TSSK3: variants seen among roughly 807,000 people sequenced by gnomAD.
TSSK3 encodes the protein testis specific serine kinase 3, also known as testis-specific serine/threonine-protein kinase 3.
Under a neutral mutation model 18.9 loss-of-function variants are expected in TSSK3, and 16 were observed. The ratio of observed to expected loss-of-function variants is 0.85; its 90% CI spans 0.57 to 1.28. The LOEUF is 1.28. Ranked by LOEUF, TSSK3 falls within the 50% of genes most tolerant of loss-of-function variation. The pLI is 0.00. For synonymous variants in TSSK3, 146 were observed against 133.9 expected (o/e 1.09, Z -0.62); for missense variants, 345 against 341.0 (o/e 1.01, Z -0.09).
chr1:32,362,627 G>C lies in TSSK3; in HGVS notation c.-75G>C, dbSNP rs1268536949. The C allele has an allele frequency of 1.4e-5, 22 of 1,566,378 alleles. No homozygotes were observed. Among genetic ancestry groups the C allele is most frequent in the Non-Finnish European group, 1.8e-5 (21 of 1,148,770 alleles). On this transcript the variant is annotated 5_prime_UTR_variant, in exon 1 of 2. Coordinates refer to ENST00000373534, the MANE Select transcript of TSSK3 (RefSeq NM_052841.4). ...TTGGGGAGAAAAGGAGCAGGCCAAG[G>C]GCGATGGTGGAGTAGAGCTGCCTCT...
chr1:32,362,560 C>G lies in TSSK3; in HGVS notation c.-142C>G. On this transcript the variant is annotated 5_prime_UTR_variant, in exon 1 of 2. Transcript: ENST00000373534. ...CCCACCACCCGCCGCTGTGTCCAGA[C>G]AGAGAATGTTCTAACGCTGGGGGCG... 2.1e-6 allele frequency: 2 copies of G among 975,028 alleles called. No homozygotes were observed. Among genetic ancestry groups the G allele is most frequent in the Non-Finnish European group, 3.1e-6 (2 of 650,200 alleles). 60.4% of individuals were successfully genotyped at this position (975,028 alleles called of 1,614,324 possible).
rs746811127 is a variant in TSSK3 at position 32,363,846 on chromosome 1, C to A, written c.397C>A (p.Arg133=). ...RYCHGCGVAH[R]DLKCENALLQ... ...CTGCCATGGCTGTGGTGTGGCCCAC[C>A]GGGACCTCAAATGTGAGAACGCCTT... Residue 133 remains arginine, a synonymous_variant, in exon 2 of 2, where the codon CGG becomes AGG. Transcript: ENST00000373534. 6.2e-7 allele frequency: 1 copy of A among 1,614,198 alleles called. No individual in the cohort carries two copies.
rs1490180822 is a variant in TSSK3 at position 32,362,582 on chromosome 1, G to A, written c.-120G>A. 1 of 1,192,872 alleles carries A rather than the reference G, an allele frequency of 8.4e-7. No homozygotes were observed. Among genetic ancestry groups the A allele is most frequent in the Non-Finnish European group, 1.2e-6 (1 of 837,576 alleles). The allele number at this position is 1,192,872 out of a possible 1,614,324, so 73.9% of individuals were successfully genotyped here. A position where few individuals can be genotyped will look rare whatever the true frequency, so the allele number is the denominator to read the frequency against. Reference sequence around the variant, plus strand: ...AGACAGAGAATGTTCTAACGCTGGGGGCGGCTGCGGATGAAGTCCTTGGGG... The same window carrying A: ...AGACAGAGAATGTTCTAACGCTGGGAGCGGCTGCGGATGAAGTCCTTGGGG... On this transcript the variant is annotated 5_prime_UTR_variant, in exon 1 of 2. Coordinates refer to ENST00000373534, the MANE Select transcript of TSSK3 (RefSeq NM_052841.4).
intron 1 of TSSK3, chr1:32,363,159 A>G (rs1050948638): frequency 6.0e-5 from 24 of 397,112 alleles, no homozygotes; most frequent in African/African-American, 4.8e-4. Flanking sequence ...GGGCTGGTAG[A>G]GAACAGGGGC....
At position 32,364,069 on chromosome 1, in the gene TSSK3, G is replaced by A; in HGVS notation, c.620G>A (p.Ser207Asn). The part of the protein sequence containing the change: ...GVVLYVMLCA[S>N]LPFDDTDIPK... Reference sequence around the variant, plus strand: ...GTCCTGTATGTCATGCTCTGTGCCAGCCTACCTTTTGACGACACAGACATC... The same window carrying A: ...GTCCTGTATGTCATGCTCTGTGCCAACCTACCTTTTGACGACACAGACATC... Residue 207 changes from serine to asparagine, a missense_variant, in exon 2 of 2, where the codon AGC becomes AAC. By Grantham distance (46) the Ser-to-Asn change is conservative (BLOSUM62 1). Coordinates refer to ENST00000373534, the MANE Select transcript of TSSK3 (RefSeq NM_052841.4). 6.2e-7 allele frequency: 1 copy of A among 1,614,230 alleles called. No homozygotes were observed. Among genetic ancestry groups the A allele is most frequent in the Non-Finnish European group, 8.5e-7 (1 of 1,180,032 alleles).
chr1:32,363,388 C>T (rs1180062134), intron 1 of TSSK3: 2 of 586,816 alleles, frequency 3.4e-6, no homozygotes, highest in East Asian at 5.7e-5. Flanking sequence ...GTGGGGAGTG[C>T]TTCTTTTGAA....
chr1:32,364,307 C>G lies in TSSK3; in HGVS notation c.*51C>G. The G allele has an allele frequency of 6.6e-7, 1 of 1,503,888 alleles. No individual in the cohort carries two copies. Among genetic ancestry groups the G allele is most frequent in the South Asian group, 1.3e-5 (1 of 77,112 alleles). 93.2% of individuals were successfully genotyped at this position (1,503,888 alleles called of 1,614,324 possible). A position where few individuals can be genotyped will look rare whatever the true frequency, so the allele number is the denominator to read the frequency against. On this transcript the variant is annotated 3_prime_UTR_variant, in exon 2 of 2. Transcript: ENST00000373534. The stretch of plus-strand genomic sequence containing the variant: ...ATAAAGTAGGGGGAGAAAGCAAACC[C>G]AAAAACCCGCTTCTAAAATGGTGAT...
At position 32,364,079 on chromosome 1, in the gene TSSK3, T is replaced by TG; in HGVS notation, c.631dup (p.Asp211GlyfsTer47). 1 of 1,614,208 alleles carries TG rather than the reference T, an allele frequency of 6.2e-7. No homozygotes were observed. Among genetic ancestry groups the TG allele is most frequent in the Admixed American group, 1.7e-5 (1 of 60,028 alleles). On this transcript the variant is annotated frameshift_variant, in exon 2 of 2. Transcript: ENST00000373534. LOFTEE classifies it high-confidence loss of function. ...TCATGCTCTGTGCCAGCCTACCTTT[T>TG]GACGACACAGACATCCCCAAGATGC...
chr1:32,362,957 G>A, intron 1 of TSSK3, 111 bp downstream of exon 1: 5 of 1,370,626 alleles, frequency 3.6e-6, no homozygotes, highest in Non-Finnish European at 5.1e-6. Context: ...CCGCTGGCCT[G>A]GAACCAAGCA....
In TSSK3 at chr1:32,363,087, CA is replaced by C. The variant is rs576972598; in HGVS notation, c.145+245del. 9.4e-4 allele frequency: 470 copies of C among 499,196 alleles called. 2 individuals carry two copies. Among genetic ancestry groups the C allele is most frequent in the African/African-American group, 7.8e-3 (407 of 52,100 alleles). The allele number at this position is 499,196 out of a possible 1,614,324, so 30.9% of individuals were successfully genotyped here. On this transcript the variant is annotated intron_variant, in intron 1 of 1. Coordinates refer to ENST00000373534, the MANE Select transcript of TSSK3 (RefSeq NM_052841.4). ...GCATGAGGTGAAGGATCCTCAGAGG[CA>C]AAACCTGAGCCAGGCTTTCCTTTCC...
chr1:32,362,949 G>A lies in TSSK3; in HGVS notation c.145+103G>A, dbSNP rs139565977. 1,497 of 1,441,448 alleles carry A rather than the reference G, an allele frequency of 1.0e-3. 11 individuals carry two copies. The African/African-American group carries it at 0.017, about 16-fold the overall frequency. The allele number at this position is 1,441,448 out of a possible 1,614,324, so 89.3% of individuals were successfully genotyped here. On this transcript the variant is annotated intron_variant, in intron 1 of 1. Transcript: ENST00000373534. Reference sequence around the variant, plus strand: ...GATCATTCGATCATTCCCTGCTCCCGCTGGCCTGGAACCAAGCAAGCCCGA... The same window carrying A: ...GATCATTCGATCATTCCCTGCTCCCACTGGCCTGGAACCAAGCAAGCCCGA...
In TSSK3 at chr1:32,362,717, C is replaced by A; in HGVS notation, c.16C>A (p.Leu6Ile). MEDFL[L>I]SNGYQLGKTI... is the part of the protein sequence containing the mutation. ...GCTAGACAGCATGGAGGACTTTCTG[C>A]TCTCCAATGGGTACCAGCTGGGCAA... Residue 6 changes from leucine to isoleucine, a missense_variant, in exon 1 of 2, where the codon CTC (leucine) becomes ATC (isoleucine). Coordinates refer to ENST00000373534, the MANE Select transcript of TSSK3 (RefSeq NM_052841.4). The A allele has an allele frequency of 6.2e-7, 1 of 1,614,172 alleles. No individual in the cohort carries two copies. Among genetic ancestry groups the A allele is most frequent in the Non-Finnish European group, 8.5e-7 (1 of 1,180,020 alleles).
chr1:32,362,911 T>C (rs1641732515), intron 1 of TSSK3, 65 bp downstream of exon 1: 2 of 1,566,704 alleles, frequency 1.3e-6, no homozygotes, highest in Non-Finnish European at 1.7e-6. Flanking sequence ...TGCTTCCTCC[T>C]GTTTGTTAGA....
In TSSK3 at chr1:32,362,654, A is replaced by G. The variant is rs749647720; in HGVS notation, c.-48A>G. On this transcript the variant is annotated 5_prime_UTR_variant, in exon 1 of 2. Coordinates refer to ENST00000373534, the MANE Select transcript of TSSK3 (RefSeq NM_052841.4). ...CGATGGTGGAGTAGAGCTGCCTCTCAGAGGCAGCATGAGCTGAGAGGGTGA... is the reference window on the plus strand; with the variant it reads ...CGATGGTGGAGTAGAGCTGCCTCTCGGAGGCAGCATGAGCTGAGAGGGTGA... 1.2e-6 allele frequency: 2 copies of G among 1,607,044 alleles called. No individual in the cohort carries two copies. The highest frequency in any genetic ancestry group is 2.2e-5 in the South Asian group (2 of 90,770).
Position 32,364,278 on chromosome 1 carries a change from T to G in TSSK3, c.*22T>G. On this transcript the variant is annotated 3_prime_UTR_variant, in exon 2 of 2. Coordinates refer to ENST00000373534, the MANE Select transcript of TSSK3 (RefSeq NM_052841.4). ...TTGATAAAAGCAATGGCAAGTGCTC[T>G]CCAATAAAGTAGGGGGAGAAAGCAA... The G allele has an allele frequency of 1.3e-6, 2 of 1,558,994 alleles. No homozygotes were observed. The highest frequency in any genetic ancestry group is 1.7e-6 in the Non-Finnish European group (2 of 1,151,132).
At position 32,363,862 on chromosome 1, in the gene TSSK3, A is replaced by C; in HGVS notation, c.413A>C (p.Glu138Ala). The C allele has an allele frequency of 6.2e-7, 1 of 1,614,142 alleles. No individual in the cohort carries two copies. The highest frequency in any genetic ancestry group is 8.5e-7 in the Non-Finnish European group (1 of 1,180,040). The change falls in exon 2 of 2, where the codon GAG becomes GCG. Residue 138 changes from glutamate to alanine, a missense_variant. By Grantham distance (107) the Glu-to-Ala change is moderately radical. Coordinates refer to ENST00000373534, the MANE Select transcript of TSSK3 (RefSeq NM_052841.4). Reference protein sequence around the residue: ...CGVAHRDLKCENALLQGFNLK... With the variant: ...CGVAHRDLKCANALLQGFNLK... ...GTGGCCCACCGGGACCTCAAATGTG[A>C]GAACGCCTTGTTGCAGGGCTTCAAC... is the stretch of plus-strand genomic sequence containing the variant.
Position 32,363,932 on chromosome 1 carries a change from A to G in TSSK3, c.483A>G (p.Ser161=). The G allele has an allele frequency of 6.2e-7, 1 of 1,614,190 alleles. No homozygotes were observed. Among genetic ancestry groups the G allele is most frequent in the East Asian group, 2.2e-5 (1 of 44,876 alleles). ...DFGFAKVLPK[S]HRELSQTFCG... ...GCTTTGCCAAGGTGTTGCCCAAGTC[A>G]CACCGGGAGCTGAGCCAGACCTTCT... Residue 161 remains serine (S), a synonymous_variant, in exon 2 of 2, where the codon TCA becomes TCG. Transcript: ENST00000373534.
At chr1:32,363,470 A>C (rs1365666149) in intron 1 of TSSK3, 125 bp from the exon 2 acceptor site, 7 of 864,086 alleles carry the variant, frequency 8.1e-6, no homozygotes, top group Non-Finnish European at 1.2e-5. Flanking sequence ...CACACTTAAG[A>C]CCATTAAGAA....
chr1:32,363,531 A>G (rs941839601), intron 1 of TSSK3, 64 bp from the exon 2 acceptor site: 20 of 1,499,526 alleles, frequency 1.3e-5, no homozygotes, highest in South Asian at 7.6e-5. Flanking sequence ...AAGGCAGGAG[A>G]CAGGTGTGAG....
Sources: gnomAD v4.1 joint callset for allele counts on GRCh38, gnomAD v4.1.1 for gene constraint, MANE v1.5 for transcripts, NCBI Gene and HGNC (gene_info 2026-07-23, HGNC 2026-07-21) for gene names.